The following ADAM33 variants were observed in gnomAD, a reference collection of about 807,000 sequenced individuals.
ADAM33 encodes the protein ADAM metallopeptidase domain 33.
Under a neutral mutation model 106.2 loss-of-function variants are expected in ADAM33, and 103 were observed. That is an observed-to-expected ratio of 0.97 (90% CI 0.83 to 1.14). The LOEUF (loss-of-function observed/expected upper bound fraction) is 1.14. ADAM33 is among the 50% of genes most tolerant of loss of function. ADAM33 has a pLI of 0.00. For synonymous variants in ADAM33, 483 were observed against 453.0 expected (o/e 1.07, Z -0.84); for missense variants, 1,120 against 1,096.6 (o/e 1.02, Z -0.30).
Position 3,675,776 on chromosome 20 carries a change from T to C in ADAM33, c.255-671A>G, listed in dbSNP as rs1373972713. The stretch of plus-strand genomic sequence containing the variant: ...GATCTTTCCCACACGGATGGATCAA[T>C]CATAAGTCAATCTGTCTTCTTTAAA... On this transcript the variant is annotated intron_variant, in intron 3 of 21. Coordinates refer to ENST00000356518, the MANE Select transcript of ADAM33 (RefSeq NM_025220.5). The surrounding 1 kb of genome is among the most constrained non-coding windows in gnomAD (Gnocchi z 4.1). 6.6e-6 allele frequency among the ~76,000 whole-genome samples: 1 copy of C among 152,114 alleles called. No individual in the cohort carries two copies. The highest frequency in any genetic ancestry group is 6.5e-5 in the Admixed American group (1 of 15,276).
At chr20:3,680,303 A>G (rs575041173) in intron 1 of ADAM33, among the ~76,000 whole-genome samples, 27 of 152,120 alleles carry the variant, frequency 1.8e-4, no homozygotes, top group African/African-American at 4.6e-4. Context: ...TGCAGGAGCC[A>G]GGCCCCAGGC....
At chr20:3,679,423 A>C in intron 2 of ADAM33, 69 bp downstream of exon 2, 1 of 1,492,670 alleles carries the variant, frequency 6.7e-7, no homozygotes, top group Non-Finnish European at 9.1e-7. Context: ...AGAAGCTGTA[A>C]TGTAGGGAGA....
In ADAM33 at chr20:3,671,899, G is replaced by C. The variant is rs766044302; in HGVS notation, c.1684C>G (p.His562Asp). ...HGNCGQDSEG[H>D]FLPCAGRDAL... ...TACCTCCCTGCACAGGGCAGGAAGT[G>C]GCCCTCGCTGTCCTGGCCGCAGTTT... is the stretch of plus-strand genomic sequence containing the variant. The change falls in exon 15 of 22, where the codon CAC becomes GAC. Residue 562 changes from histidine (H) to aspartate (D), a missense_variant. By Grantham distance (81) the His-to-Asp change is moderately conservative (BLOSUM62 -1). Coordinates refer to ENST00000356518, the MANE Select transcript of ADAM33 (RefSeq NM_025220.5). 3.2e-6 allele frequency: 5 copies of C among 1,553,892 alleles called. No individual in the cohort carries two copies. In the South Asian group the frequency reaches 5.9e-5, roughly 18 times the overall value.
In ADAM33 at chr20:3,668,901, G is replaced by C. The variant is rs537914783; in HGVS notation, c.*62C>G. On this transcript the variant is annotated 3_prime_UTR_variant, in exon 22 of 22. Transcript: ENST00000356518. ...CACTGGCTCTGCCCCTGCAGTTCAA[G>C]TTCCTGGAGTGGCTGTCAGTGGCCA... 15 of 1,583,592 alleles carry C rather than the reference G, an allele frequency of 9.5e-6. No homozygotes were observed. In the African/African-American group the frequency reaches 1.7e-4, roughly 18 times the overall value.
In ADAM33 at chr20:3,676,459, C is replaced by T. The variant is rs150834070; in HGVS notation, c.254+608G>A. 1.1e-4 allele frequency among the ~76,000 whole-genome samples: 16 copies of T among 148,876 alleles called. No homozygotes were observed. In the East Asian group the frequency reaches 1.6e-3, roughly 15 times the overall value. ...TTCTTTTTTTTCTCTTTTTTTGAGA[C>T]GGAGTCTCACTCTTTGCCCAGGCCG... On this transcript the variant is annotated intron_variant, in intron 3 of 21. Coordinates refer to ENST00000356518, the MANE Select transcript of ADAM33 (RefSeq NM_025220.5).
intron 1 of ADAM33, among the ~76,000 whole-genome samples, chr20:3,681,535 G>T (rs565183095): frequency 1.1e-4 from 17 of 152,222 alleles, no homozygotes; most frequent in Non-Finnish European, 2.2e-4. Context: ...GAGCAGGAGC[G>T]GGTCACACGG....
In ADAM33 at chr20:3,673,960, G is replaced by A. The variant is rs753424489; in HGVS notation, c.739-49C>T. ...CCGGGACAGGGCGCCCCATCGCGCC[G>A]GTGGTCCTTCGTGGGGCGCCCTTCC... On this transcript the variant is annotated intron_variant, in intron 8 of 21. Transcript: ENST00000356518. 4.4e-6 allele frequency: 7 copies of A among 1,586,950 alleles called. 1 individual carries two copies. In the South Asian group the frequency reaches 4.5e-5, roughly 10 times the overall value.
chr20:3,679,248 A>C (rs1163559594), intron 2 of ADAM33, among the ~76,000 whole-genome samples: 1 of 141,154 alleles, frequency 7.1e-6, no homozygotes, highest in East Asian at 2.1e-4. Context: ...GGAGGGAGGG[A>C]AAGAGGGAGG....
In ADAM33 at chr20:3,673,435, A is replaced by T; in HGVS notation, c.1052T>A (p.Leu351His). The change falls in exon 11 of 22, where the codon CTC becomes CAC. Residue 351 changes from leucine to histidine, a missense_variant. Transcript: ENST00000356518. ...GCCGTCGGGGTCGTGGCTGAGGCCG[A>T]GGCTGTGGCCGATCTCATGGGCCAT... is the stretch of plus-strand genomic sequence containing the variant. ...ATMAHEIGHS[L>H]GLSHDPDGCC... The T allele has an allele frequency of 1.3e-6, 2 of 1,576,932 alleles. No homozygotes were observed. The highest frequency in any genetic ancestry group is 1.8e-5 in the Admixed American group (1 of 57,070).
At position 3,674,612 on chromosome 20, in the gene ADAM33, G is replaced by A. The variant is rs753262884; in HGVS notation, c.492C>T (p.His164=). Residue 164 remains histidine (H), a synonymous_variant, in exon 6 of 22, where the codon CAC becomes CAT. Coordinates refer to ENST00000356518, the MANE Select transcript of ADAM33 (RefSeq NM_025220.5). The part of the protein sequence containing the change: ...PPRGSKDFST[H]EIFRMEQLLT... Reference sequence around the variant, plus strand: ...GCAGCTGCTCCATCCGAAAGATCTCGTGGGTTGAGAAGTCCTTGGAGCCCC... The same window carrying A: ...GCAGCTGCTCCATCCGAAAGATCTCATGGGTTGAGAAGTCCTTGGAGCCCC... 8 of 1,612,938 alleles carry A rather than the reference G, an allele frequency of 5.0e-6. No homozygotes were observed. The highest frequency in any genetic ancestry group is 4.0e-5 in the African/African-American group (3 of 74,848).
chr20:3,669,158 A>T, intron 21 of ADAM33, 141 bp downstream of exon 21: 1 of 1,168,806 alleles, frequency 8.6e-7, no homozygotes, highest in Non-Finnish European at 1.2e-6. Flanking sequence ...CCTGGTCTGC[A>T]TGATAACCAA....
intron 21 of ADAM33, 62 bp downstream of exon 21, chr20:3,669,237 G>A: frequency 6.9e-7 from 1 of 1,439,424 alleles, no homozygotes. Flanking sequence ...AAACTGAGGG[G>A]TGGGAGAGGT....
Position 3,680,801 on chromosome 20 carries a change from C to T in ADAM33, c.97+1107G>A, listed in dbSNP as rs534676025. On this transcript the variant is annotated intron_variant, in intron 1 of 21. Coordinates refer to ENST00000356518, the MANE Select transcript of ADAM33 (RefSeq NM_025220.5). ...GTGCAGTGTGGTGTGTGGGTGCTGT[C>T]CACATGGCCTTGCGCGCACGTGCTG... 2.0e-3 allele frequency among the ~76,000 whole-genome samples: 302 copies of T among 152,290 alleles called. 1 individual carries two copies. Among genetic ancestry groups the T allele is most frequent in the African/African-American group, 7.0e-3 (292 of 41,548 alleles).
At chr20:3,673,531 T>C (rs2087708623) in intron 10 of ADAM33, 35 bp from the exon 11 acceptor site, 2 of 1,449,816 alleles carry the variant, frequency 1.4e-6, no homozygotes, top group Non-Finnish European at 9.0e-7. Flanking sequence ...ACTGCGGCCG[T>C]AGAGCCTCCT....
In ADAM33 at chr20:3,671,713, C is replaced by A. The variant is rs138747629; in HGVS notation, c.1773G>T (p.Val591=). 6.7e-4 allele frequency: 1,058 copies of A among 1,586,994 alleles called. 15 individuals carry two copies. The South Asian group carries it at 9.1e-3, about 14-fold the overall frequency. The part of the protein sequence containing the change: ...GKPSLLAPHM[V]PVDSTVHLDG... ...CTAGGTGAACGGTAGAGTCCACTGGCACCATGTGCGGTGCGAGCAGGCTGG... is the reference window on the plus strand; with the variant it reads ...CTAGGTGAACGGTAGAGTCCACTGGAACCATGTGCGGTGCGAGCAGGCTGG... The change falls in exon 16 of 22, where the codon GTG becomes GTT. Residue 591 remains valine, a synonymous_variant. Transcript: ENST00000356518.
At chr20:3,680,799 G>A (rs75274289) in intron 1 of ADAM33, among the ~76,000 whole-genome samples, 1 of 152,172 alleles carries the variant, frequency 6.6e-6, no homozygotes, top group Non-Finnish European at 1.5e-5. Context: ...TGTGGGTGCT[G>A]TCCACATGGC....
rs1600224004 is a variant in ADAM33, at chr20:3,674,129, T to A, written c.673A>T (p.Thr225Ser). The A allele has an allele frequency of 6.2e-7, 1 of 1,614,076 alleles. No individual in the cohort carries two copies. The highest frequency in any genetic ancestry group is 2.2e-5 in the East Asian group (1 of 44,868). Reference protein sequence around the residue: ...YIVADHTLFLTRHRNLNHTKQ... With the variant: ...YIVADHTLFLSRHRNLNHTKQ... ...GTGTGGTTCAAGTTTCGGTGCCGAGTCAAGAACTGGGAAGGCAGAAATCCC... is the reference window on the plus strand; with the variant it reads ...GTGTGGTTCAAGTTTCGGTGCCGAGACAAGAACTGGGAAGGCAGAAATCCC... Residue 225 changes from threonine to serine, a missense_variant, in exon 8 of 22, where the codon ACT becomes TCT. Coordinates refer to ENST00000356518, the MANE Select transcript of ADAM33 (RefSeq NM_025220.5).
In ADAM33 at chr20:3,672,287, A is replaced by T. The variant is rs1165412077; in HGVS notation, c.1444T>A (p.Cys482Ser). 2 of 1,613,318 alleles carry T rather than the reference A, an allele frequency of 1.2e-6. No individual in the cohort carries two copies. Among genetic ancestry groups the T allele is most frequent in the Non-Finnish European group, 1.7e-6 (2 of 1,179,994 alleles). ...CCCGTGCAAAACTCAGGGAGGTCACAGTCACCCATGGCCTGGCGGCACAGC... is the reference window on the plus strand; with the variant it reads ...CCCGTGCAAAACTCAGGGAGGTCACTGTCACCCATGGCCTGGCGGCACAGC... ...GALCRQAMGD[C>S]DLPEFCTGTS... Residue 482 changes from cysteine to serine, a missense_variant, in exon 14 of 22, where the codon TGT (cysteine) becomes AGT (serine). By Grantham distance (112) the Cys-to-Ser change is moderately radical. Coordinates refer to ENST00000356518, the MANE Select transcript of ADAM33 (RefSeq NM_025220.5).
rs1247697245 is a variant in ADAM33 at position 3,671,425 on chromosome 20, G to A, written c.1977C>T (p.Ser659=). 1.2e-6 allele frequency: 2 copies of A among 1,612,504 alleles called. No individual in the cohort carries two copies. The highest frequency in any genetic ancestry group is 2.2e-5 in the South Asian group (2 of 91,024). The change falls in exon 17 of 22, where the codon AGC becomes AGT. Residue 659 remains serine (S), a synonymous_variant. Coordinates refer to ENST00000356518, the MANE Select transcript of ADAM33 (RefSeq NM_025220.5). ...ELQRCLTACH[S]HGVCNSNHNC... ...CCACTCCTCGGGCTCTCACCCCGTG[G>A]CTGTGGCAGGCAGTCAGGCAGCGCT...
Sources: allele counts gnomAD v4.1 joint callset (sites outside exome capture counted in the v4.1 genomes callset), GRCh38; gene constraint gnomAD v4.1.1; non-coding constraint Gnocchi (gnomAD v3.1); transcripts MANE v1.5; gene names NCBI Gene and HGNC (gene_info 2026-07-23, HGNC 2026-07-21).